Variants in LOXHD1 observed in about 807,000 individuals in gnomAD.
The protein encoded by LOXHD1 is lipoxygenase homology PLAT domains 1.
A neutral mutation model predicts 248.2 loss-of-function variants in LOXHD1; 205 were observed. The observed-to-expected ratio is 0.83, with a 90% CI of 0.74 to 0.93. The LOEUF (loss-of-function observed/expected upper bound fraction) is 0.93. Ranked by LOEUF, LOXHD1 falls within the 40% of genes least tolerant of loss-of-function variation. The pLI is 0.00. For missense variants in LOXHD1, 2,930 were observed against 2,971.6 expected (o/e 0.99, Z 0.33); for synonymous variants, 1,113 against 1,162.8 (o/e 0.96, Z 0.87).
At chr18:46,621,799 G>A (rs2038672619) in intron 4 of LOXHD1, among the ~76,000 whole-genome samples, 1 of 152,150 alleles carries the variant, frequency 6.6e-6, no homozygotes, top group Non-Finnish European at 1.5e-5. Context: ...GAAAGATGAT[G>A]ATAAGAAATA....
intron 5 of LOXHD1, among the ~76,000 whole-genome samples, chr18:46,616,253 C>T (rs7229239): frequency 6.6e-6 from 1 of 151,920 alleles, no homozygotes; most frequent in Non-Finnish European, 1.5e-5. Context: ...TCTTTATTCC[C>T]TTTTATGTCT....
chr18:46,531,300 A>C (rs11875384), intron 28 of LOXHD1, among the ~76,000 whole-genome samples: 11,117 of 152,036 alleles, frequency 0.073, 561 homozygotes, highest in Non-Finnish European at 0.1. Context: ...TAATAAAGAA[A>C]ATCCTCTCTT....
intron 28 of LOXHD1, among the ~76,000 whole-genome samples, chr18:46,532,038 GT>G: frequency 6.6e-6 from 1 of 152,268 alleles, no homozygotes; most frequent in East Asian, 1.9e-4. Flanking sequence ...TCTTTTGGGT[GT>G]CTTATCCACT....
chr18:46,551,134 G>A (rs1456693497), intron 21 of LOXHD1, among the ~76,000 whole-genome samples: 12 of 145,694 alleles, frequency 8.2e-5, no homozygotes, highest in South Asian at 4.3e-4. Context: ...ACAGAGTCTC[G>A]CTCTGTCTCC....
intron 34 of LOXHD1, among the ~76,000 whole-genome samples, chr18:46,511,220 G>A (rs2034941081): frequency 6.6e-6 from 1 of 152,090 alleles, no homozygotes; most frequent in South Asian, 2.1e-4. Flanking sequence ...CCTCTCTTCG[G>A]TGTAAAACCA....
intron 38 of LOXHD1, among the ~76,000 whole-genome samples, chr18:46,486,543 G>T (rs1214664997): frequency 6.6e-6 from 1 of 152,208 alleles, no homozygotes; most frequent in Non-Finnish European, 1.5e-5. Context: ...GCAGATTCCA[G>T]CCCAGAGACC....
chr18:46,517,451 G>A (rs1168434989), intron 34 of LOXHD1, among the ~76,000 whole-genome samples: 1 of 152,050 alleles, frequency 6.6e-6, no homozygotes, highest in East Asian at 1.9e-4. Flanking sequence ...ATAATAATTG[G>A]GTTATTATTA....
intron 7 of LOXHD1, 143 bp downstream of exon 7, chr18:46,603,963 C>T (rs1363094694): frequency 1.7e-6 from 2 of 1,156,684 alleles, no homozygotes; most frequent in African/African-American, 3.1e-5. Flanking sequence ...TGGGACAGAA[C>T]AGTTTCAGGA....
At chr18:46,624,534 C>T (rs72915418) in intron 4 of LOXHD1, among the ~76,000 whole-genome samples, 2,365 of 152,282 alleles carry the variant, frequency 0.016, 25 homozygotes, top group Non-Finnish European at 0.027. Context: ...CAGTTCTTTC[C>T]CCCATGCTAC....
Position 46,532,798 on chromosome 18 carries a change from C to T in LOXHD1, c.4375+364G>A, listed in dbSNP as rs533873946. On this transcript the variant is annotated intron_variant, in intron 28 of 40. Transcript: ENST00000642948. ...CTAAGTCCAGCAAGAGCAGAGAGGC[C>T]AAAGCCAGTGATTGGTAGCAAATAA... Among the ~76,000 whole-genome samples the T allele has an allele frequency of 7.2e-5, 11 of 152,296 alleles. No homozygotes were observed. The South Asian group carries it at 8.3e-4, about 11-fold the overall frequency.
chr18:46,588,922 G>T (rs2038112558), intron 12 of LOXHD1, among the ~76,000 whole-genome samples: 1 of 152,164 alleles, frequency 6.6e-6, no homozygotes, highest in South Asian at 2.1e-4. Context: ...CAACAGTGCT[G>T]GGAGGGCAGG....
Position 46,521,178 on chromosome 18 carries a change from C to A in LOXHD1, c.5190G>T (p.Trp1730Cys). 1 of 1,551,760 alleles carries A rather than the reference C, an allele frequency of 6.4e-7. No individual in the cohort carries two copies. The highest frequency in any genetic ancestry group is 1.2e-5 in the South Asian group (1 of 84,052). The change falls in exon 33 of 41, where the codon TGG becomes TGT. Residue 1730 changes from tryptophan to cysteine, a missense_variant. By Grantham distance (215) the Trp-to-Cys change is radical. Coordinates refer to ENST00000642948, the MANE Select transcript of LOXHD1 (RefSeq NM_001384474.1). ...TGCCGTCGCCTCTGTCCTTGGCCAG[C>A]CAGCAGTTACAGTTCAACATGTACT... ...GTKYMLNCNC[W>C]LAKDRGDGIT...
At chr18:46,643,373 C>T (rs898841896) in intron 2 of LOXHD1, among the ~76,000 whole-genome samples, 3 of 152,158 alleles carry the variant, frequency 2.0e-5, no homozygotes, top group African/African-American at 7.2e-5. Flanking sequence ...TTCTACTCCA[C>T]CATTGGCAAA....
chr18:46,529,226 C>T lies in LOXHD1; in HGVS notation c.4481G>A (p.Arg1494Gln), dbSNP rs949457669. 5.3e-5 allele frequency: 82 copies of T among 1,551,484 alleles called. No individual in the cohort carries two copies. Among genetic ancestry groups the T allele is most frequent in the Non-Finnish European group, 6.9e-5 (79 of 1,146,986 alleles). Residue 1494 changes from arginine (R) to glutamine (Q), a missense_variant, in exon 29 of 41, where the codon CGA becomes CAA. Transcript: ENST00000642948. ...CCGGTTCTCTGACTTGCCAAGGTATCGCTCCCCAGTGTCCCCGAGGTCTCC... is the reference window on the plus strand; with the variant it reads ...CCGGTTCTCTGACTTGCCAAGGTATTGCTCCCCAGTGTCCCCGAGGTCTCC... ...IYGDLGDTGERYLGKSENRTN... is the reference protein window; with the variant it reads ...IYGDLGDTGEQYLGKSENRTN...
At position 46,534,398 on chromosome 18, in the gene LOXHD1, C is replaced by A; in HGVS notation, c.4149G>T (p.Thr1383=). The A allele has an allele frequency of 6.4e-7, 1 of 1,551,620 alleles. No homozygotes were observed. The highest frequency in any genetic ancestry group is 2.4e-5 in the East Asian group (1 of 40,924). ...AGCAGTGCCACCCAGGATTCATGCC[C>A]GTGTTATTATGGCCAATCCGAATTT... ...IEKIRIGHNN[T]GMNPGWHCSH... is the part of the protein sequence containing the mutation. Residue 1383 remains threonine, a synonymous_variant, in exon 27 of 41, where the codon ACG becomes ACT. Coordinates refer to ENST00000642948, the MANE Select transcript of LOXHD1 (RefSeq NM_001384474.1).
At chr18:46,639,465 C>T in intron 4 of LOXHD1, 151 bp downstream of exon 4, 5 of 908,386 alleles carry the variant, frequency 5.5e-6, no homozygotes, top group South Asian at 1.9e-5. Context: ...AGATATGGGG[C>T]TTCCCCTTGG....
chr18:46,628,001 G>A (rs1032945212), intron 4 of LOXHD1, among the ~76,000 whole-genome samples: 1 of 152,210 alleles, frequency 6.6e-6, no homozygotes, highest in African/African-American at 2.4e-5. Context: ...TGCATAGAAG[G>A]CTCCCCGCAA....
intron 4 of LOXHD1, among the ~76,000 whole-genome samples, chr18:46,621,504 G>A (rs1164912892): frequency 6.6e-6 from 1 of 152,214 alleles, no homozygotes; most frequent in Non-Finnish European, 1.5e-5. Flanking sequence ...TTCTGTCACT[G>A]TTGGCAAACG....
chr18:46,585,725 T>C (rs1338105507), intron 12 of LOXHD1, among the ~76,000 whole-genome samples: 2 of 152,118 alleles, frequency 1.3e-5, no homozygotes, highest in East Asian at 3.9e-4. Context: ...GGACCCAGAA[T>C]AGCCAAAACA....
Sources: gnomAD v4.1 joint callset for allele counts (sites outside exome capture counted in the v4.1 genomes callset) on GRCh38, gnomAD v4.1.1 for gene constraint, MANE v1.5 for transcripts, NCBI Gene and HGNC (gene_info 2026-07-23, HGNC 2026-07-21) for gene names.